The following FAM53A variants were observed in gnomAD, a reference collection of about 807,000 sequenced individuals.
The protein encoded by FAM53A is protein FAM53A.
A neutral mutation model predicts 26.6 loss-of-function variants in FAM53A; 28 were observed. The ratio of observed to expected loss-of-function variants is 1.05; its 90% CI spans 0.78 to 1.45. The LOEUF is 1.45. FAM53A is among the 40% of genes most tolerant of loss of function. The pLI is 0.00. For missense variants in FAM53A, 650 were observed against 575.8 expected, an observed-to-expected ratio of 1.13 and a Z score of -1.32; for synonymous variants, 290 against 253.1, an observed-to-expected ratio of 1.15 and a Z score of -1.38.
chr4:1,614,446 A>AGGGGGATGCAGAGACG (rs1714736658), downstream of FAM53A, among the ~76,000 whole-genome samples: 4 of 57,516 alleles, frequency 7.0e-5, no homozygotes, highest in African/African-American at 2.4e-4. Flanking sequence ...ATGCAGAGAC[A>AGGGGGATGCAGAGACG]TGAGGGGCAT....
At chr4:1,617,031 G>A (rs1035996189), downstream of FAM53A, among the ~76,000 whole-genome samples, 1 of 143,938 alleles carries the variant, frequency 6.9e-6, no homozygotes, top group African/African-American at 3.0e-5. Context: ...CAACTACTAA[G>A]GAGGCTGAGG....
Position 1,630,270 on chromosome 4 carries a change from A to G in FAM53A, c.432-12159T>C, listed in dbSNP as rs571464896. 1.5e-4 allele frequency among the ~76,000 whole-genome samples: 23 copies of G among 152,296 alleles called. No homozygotes were observed. The South Asian group carries it at 4.6e-3, about 30-fold the overall frequency. ...GGGGCCTGAGACACCCTGTCCTCTG[A>G]GCTGCCCGTGACCAGGGGGTCAGAG... On this transcript the variant is annotated intron_variant, in intron 1 of 1. Transcript: ENST00000489029. The surrounding 1 kb of genome is among the most constrained non-coding windows in gnomAD (Gnocchi z 4.3).
chr4:1,673,723 A>G (rs764553801), intron 1 of FAM53A, among the ~76,000 whole-genome samples: 1 of 151,896 alleles, frequency 6.6e-6, no homozygotes, highest in Non-Finnish European at 1.5e-5. Context: ...ACCGAGCGAG[A>G]CTCCGTTTCA....
At chr4:1,581,623 C>T in the FAM53A span, among the ~76,000 whole-genome samples, 1 of 152,132 alleles carries the variant, frequency 6.6e-6, no homozygotes, top group Non-Finnish European at 1.5e-5. Flanking sequence ...TAAGACAGAG[C>T]TTTGCTCTTG....
chr4:1,614,080 G>T (rs972074683), downstream of FAM53A, among the ~76,000 whole-genome samples: 8 of 152,212 alleles, frequency 5.3e-5, no homozygotes, highest in Non-Finnish European at 8.8e-5. Flanking sequence ...GATGAATGCG[G>T]CCAGTCACGC....
chr4:1,651,824 C>T (rs942092243), intron 4 of FAM53A, among the ~76,000 whole-genome samples: 3 of 152,028 alleles, frequency 2.0e-5, no homozygotes, highest in African/African-American at 7.3e-5. Flanking sequence ...GGACCCAAAG[C>T]CGGGGCTGCA....
chr4:1,669,110 T>C (rs768276889), intron 1 of FAM53A, among the ~76,000 whole-genome samples: 3 of 152,078 alleles, frequency 2.0e-5, no homozygotes, highest in African/African-American at 4.8e-5. Context: ...AAGACACACA[T>C]TAGACCCACC....
the FAM53A span, among the ~76,000 whole-genome samples, chr4:1,590,965 T>C: frequency 0.11 from 10,462 of 91,878 alleles, 884 homozygotes; most frequent in Non-Finnish European, 0.14. Flanking sequence ...CATATATATA[T>C]ATATATATAT....
chr4:1,657,194 A>T (rs1018897807), intron 3 of FAM53A, among the ~76,000 whole-genome samples: 1 of 152,158 alleles, frequency 6.6e-6, no homozygotes, highest in African/African-American at 2.4e-5. Context: ...CCCGCACCCT[A>T]CACGAGCCGT....
the FAM53A span, among the ~76,000 whole-genome samples, chr4:1,576,132 C>A: frequency 1.3e-5 from 2 of 152,180 alleles, no homozygotes; most frequent in African/African-American, 4.8e-5. Flanking sequence ...CAAATCAGGG[C>A]CCTAGTCGAC....
At chr4:1,627,740 T>C (rs1026455974) in intron 1 of FAM53A, among the ~76,000 whole-genome samples, 2 of 151,996 alleles carry the variant, frequency 1.3e-5, no homozygotes, top group African/African-American at 4.8e-5. Flanking sequence ...ACTCCCTCCC[T>C]CCACCACCCC....
chr4:1,680,333 A>AAAC (rs1553814409), intron 1 of FAM53A, among the ~76,000 whole-genome samples: 1 of 150,206 alleles, frequency 6.7e-6, no homozygotes, highest in Non-Finnish European at 1.5e-5. Flanking sequence ...AAAAAAAAAA[A>AAAC]AAAAAAAAAA....
the FAM53A span, among the ~76,000 whole-genome samples, chr4:1,606,110 C>T: frequency 6.7e-6 from 1 of 149,694 alleles, no homozygotes; most frequent in African/African-American, 2.5e-5. Context: ...GCGATCTCAA[C>T]TTACTGCAAG....
intron 4 of FAM53A, among the ~76,000 whole-genome samples, chr4:1,654,454 C>A (rs1011765728): frequency 6.6e-6 from 1 of 152,276 alleles, no homozygotes. Flanking sequence ...TCTCCTACAT[C>A]CAGACAGTTT....
Position 1,668,786 on chromosome 4 carries a change from T to A in FAM53A, c.-45A>T, listed in dbSNP as rs777855876. 2 of 1,587,180 alleles carry A rather than the reference T, an allele frequency of 1.3e-6. No homozygotes were observed. The highest frequency in any genetic ancestry group is 2.2e-5 in the South Asian group (2 of 90,134). ...CCGTCCACACCAACAGGCACTGGAG[T>A]CCTGGAACATCAGACTTGCGAAGGC... is the stretch of plus-strand genomic sequence containing the variant. On this transcript the variant is annotated 5_prime_UTR_variant, in exon 2 of 5. Coordinates refer to ENST00000308132, the MANE Select transcript of FAM53A (RefSeq NM_001174070.3).
the FAM53A span, among the ~76,000 whole-genome samples, chr4:1,611,608 C>T: frequency 6.5e-4 from 99 of 152,372 alleles, 5 homozygotes; most frequent in South Asian, 0.018. Flanking sequence ...AAGGCCTGGG[C>T]GGGCAGCACC....
the FAM53A span, among the ~76,000 whole-genome samples, chr4:1,607,938 C>G: frequency 2.9e-5 from 3 of 104,830 alleles, no homozygotes; most frequent in Non-Finnish European, 5.8e-5. Flanking sequence ...GAGACTCCGT[C>G]TCAAAAAAAA....
At position 1,659,242 on chromosome 4, in the gene FAM53A, T is replaced by C. The variant is rs1241900140; in HGVS notation, c.76-1774A>G. On this transcript the variant is annotated intron_variant, in intron 2 of 4. Transcript: ENST00000308132. The surrounding 1 kb of genome is among the most constrained non-coding windows in gnomAD (Gnocchi z 5.2). ...AGGTTCTCCCACCCCGGGACCCGGGTCCGATGGAAGAGAGGAGAGGCAGCT... is the reference window on the plus strand; with the variant it reads ...AGGTTCTCCCACCCCGGGACCCGGGCCCGATGGAAGAGAGGAGAGGCAGCT... 6.6e-6 allele frequency among the ~76,000 whole-genome samples: 1 copy of C among 151,682 alleles called. No homozygotes were observed. The highest frequency in any genetic ancestry group is 1.5e-5 in the Non-Finnish European group (1 of 67,932).
intron 1 of FAM53A, among the ~76,000 whole-genome samples, chr4:1,626,475 C>T (rs952826300): frequency 3.3e-5 from 5 of 152,090 alleles, no homozygotes; most frequent in Non-Finnish European, 5.9e-5. Flanking sequence ...CTCTCAGCCA[C>T]GGCCATGCCC....
Sources: gnomAD v4.1 joint callset for allele counts (sites outside exome capture counted in the v4.1 genomes callset) on GRCh38, gnomAD v4.1.1 for gene constraint, Gnocchi (gnomAD v3.1) non-coding constraint, MANE v1.5 for transcripts, NCBI Gene and HGNC (gene_info 2026-07-23, HGNC 2026-07-21) for gene names.